RNF213: variants seen among roughly 807,000 people sequenced by gnomAD.
The protein encoded by RNF213 is E3 ubiquitin-protein ligase RNF213.
A neutral mutation model predicts 514.4 loss-of-function variants in RNF213; 341 were observed. That is an observed-to-expected ratio of 0.66 (90% confidence interval 0.61 to 0.73). RNF213 has a LOEUF of 0.73. RNF213 is among the 30% of genes least tolerant of loss of function. The pLI is 0.00. For synonymous variants in RNF213, 2,655 were observed against 2,658.2 expected, an observed-to-expected ratio of 1.00 and a Z score of 0.04; for missense variants, 5,767 against 6,615.6, an observed-to-expected ratio of 0.87 and a Z score of 4.45.
At chr17:80,313,640 GAT>G (rs2045661963) in intron 15 of RNF213, among the ~76,000 whole-genome samples, 1 of 148,008 alleles carries the variant, frequency 6.8e-6, no homozygotes, top group African/African-American at 2.6e-5. Flanking sequence ...TGATGGTGGT[GAT>G]GGTGATGGTT....
At position 80,345,143 on chromosome 17, in the gene RNF213, T is replaced by A. The variant is rs768083947; in HGVS notation, c.6808T>A (p.Ser2270Thr). The A allele has an allele frequency of 5.9e-5, 95 of 1,613,940 alleles. No individual in the cohort carries two copies. The highest frequency in any genetic ancestry group is 7.6e-5 in the Non-Finnish European group (90 of 1,180,028). ...RDFATPSLHTSDQSPGKHMVT... is the reference protein window; with the variant it reads ...RDFATPSLHTTDQSPGKHMVT... ...TTTTGCCACACCATCACTCCACACCTCTGACCAAAGCCCGGGGAAGCACAT... is the reference window on the plus strand; with the variant it reads ...TTTTGCCACACCATCACTCCACACCACTGACCAAAGCCCGGGGAAGCACAT... Residue 2270 changes from serine (S) to threonine (T), a missense_variant, in exon 29 of 68, where the codon TCT becomes ACT. Coordinates refer to ENST00000582970, the MANE Select transcript of RNF213 (RefSeq NM_001256071.3). This position sits in a 1 kb window ranked among gnomAD's most constrained non-coding sequence, Gnocchi z 6.0.
Position 80,327,921 on chromosome 17 carries a change from C to A in RNF213, c.3299C>A (p.Thr1100Lys). The A allele has an allele frequency of 6.5e-7, 1 of 1,537,226 alleles. No homozygotes were observed. ...GTTGTTGGTGACCTCCTAAGTGGCACGATTTTAGTTGGACAACTGGAGCTG... is the reference window on the plus strand; with the variant it reads ...GTTGTTGGTGACCTCCTAAGTGGCAAGATTTTAGTTGGACAACTGGAGCTG... ...TKVVGDLLSG[T>K]ILVGQLELII... Residue 1100 changes from threonine to lysine, a missense_variant, in exon 19 of 68, where the codon ACG becomes AAG. Physicochemically the swap from Thr to Lys is moderately conservative, Grantham distance 78 (BLOSUM62 -1). Transcript: ENST00000582970.
rs1260548587 is a variant in RNF213 at position 80,347,516 on chromosome 17, G to A, written c.9181G>A (p.Glu3061Lys). 3.1e-6 allele frequency: 5 copies of A among 1,613,970 alleles called. No individual in the cohort carries two copies. In the East Asian group the frequency reaches 8.9e-5, roughly 29 times the overall value. Residue 3061 changes from glutamate (E) to lysine (K), a missense_variant, in exon 29 of 68, where the codon GAG (glutamate) becomes AAG (lysine). By Grantham distance (56) the Glu-to-Lys change is moderately conservative (BLOSUM62 1). Transcript: ENST00000582970. The surrounding 1 kb of genome is among the most constrained non-coding windows in gnomAD (Gnocchi z 7.2). ...ALQILQQTFF[E>K]GDQQPEIIFG... ...GCAGATCCTGCAGCAGACATTCTTC[G>A]AGGGGGACCAGCAGCCGGAGATTAT...
At chr17:80,342,392 G>A (rs1191051138) in intron 26 of RNF213, among the ~76,000 whole-genome samples, 3 of 152,078 alleles carry the variant, frequency 2.0e-5, no homozygotes, top group African/African-American at 7.2e-5. Flanking sequence ...AGTAGGTAAC[G>A]GCTGGGAAAT....
Position 80,348,175 on chromosome 17 carries a change from G to A in RNF213, c.9840G>A (p.Ala3280=), listed in dbSNP as rs144070062. 112 of 1,613,950 alleles carry A rather than the reference G, an allele frequency of 6.9e-5. No homozygotes were observed. Among genetic ancestry groups the A allele is most frequent in the Admixed American group, 2.3e-4 (14 of 60,036 alleles). Residue 3280 remains alanine, a synonymous_variant, in exon 29 of 68, where the codon GCG becomes GCA. Coordinates refer to ENST00000582970, the MANE Select transcript of RNF213 (RefSeq NM_001256071.3). ...CCTACTCGCTGGGCGGGTTCGCAGC[G>A]GAGTGGCTGTCGCAGGAGTACTTTC... is the stretch of plus-strand genomic sequence containing the variant. ...LSAYSLGGFA[A]EWLSQEYFHR...
Position 80,347,647 on chromosome 17 carries a change from C to G in RNF213, c.9312C>G (p.Asn3104Lys), listed in dbSNP as rs756579755. The change falls in exon 29 of 68, where the codon AAC becomes AAG. Residue 3104 changes from asparagine to lysine, a missense_variant. Physicochemically the swap from Asn to Lys is moderately conservative, Grantham distance 94. Around this residue, in one of 13 missense-constraint regions of RNF213, gnomAD observed 919 missense variants for 1,121.0 expected, o/e 0.82. Coordinates refer to ENST00000582970, the MANE Select transcript of RNF213 (RefSeq NM_001256071.3). The surrounding 1 kb of genome is among the most constrained non-coding windows in gnomAD (Gnocchi z 7.2). ...METGKMVLLL[N>K]LQNLYESLYD... is the part of the protein sequence containing the mutation. Reference sequence around the variant, plus strand: ...CAGGCAAGATGGTGTTGCTTCTCAACCTGCAGAACCTCTACGAGAGCCTCT... The same window carrying G: ...CAGGCAAGATGGTGTTGCTTCTCAAGCTGCAGAACCTCTACGAGAGCCTCT... 2 of 1,614,052 alleles carry G rather than the reference C, an allele frequency of 1.2e-6. No individual in the cohort carries two copies. Among genetic ancestry groups the G allele is most frequent in the African/African-American group, 2.7e-5 (2 of 74,936 alleles).
At chr17:80,274,859 TGGG>T (rs1248881222) in intron 3 of RNF213, among the ~76,000 whole-genome samples, 6 of 24,470 alleles carry the variant, frequency 2.5e-4, no homozygotes, top group South Asian at 3.3e-3. Flanking sequence ...GGGTGTGTGT[TGGG>T]GGGTGTGTGA....
chr17:80,348,241 A>T lies in RNF213; in HGVS notation c.9906A>T (p.Ala3302=). ...RHNSFADFLQ[A]HLHTADLERH... is the part of the protein sequence containing the mutation. ...ACTCCTTTGCAGATTTCCTTCAGGC[A>T]CACCTGCACACGGCAGACCTGGAGC... The change falls in exon 29 of 68, where the codon GCA becomes GCT. Residue 3302 remains alanine, a synonymous_variant. Transcript: ENST00000582970. 6.2e-7 allele frequency: 1 copy of T among 1,614,020 alleles called. No homozygotes were observed. Among genetic ancestry groups the T allele is most frequent in the African/African-American group, 1.3e-5 (1 of 75,066 alleles).
intron 64 of RNF213, 79 bp from the exon 65 acceptor site, chr17:80,389,094 G>T (rs112950687): frequency 1.2e-5 from 16 of 1,391,046 alleles, no homozygotes; most frequent in African/African-American, 9.9e-5. Flanking sequence ...GGCAGTGAAG[G>T]GGCTCGGCTC....
In RNF213 at chr17:80,290,610, G is replaced by T. The variant is rs750565435; in HGVS notation, c.1153G>T (p.Ala385Ser). 1.2e-6 allele frequency: 2 copies of T among 1,614,098 alleles called. No individual in the cohort carries two copies. The highest frequency in any genetic ancestry group is 8.5e-7 in the Non-Finnish European group (1 of 1,180,022). Residue 385 changes from alanine to serine, a missense_variant, in exon 7 of 68, where the codon GCC becomes TCC. Around this residue, in one of 13 missense-constraint regions of RNF213, gnomAD observed 509 missense variants for 496.7 expected, o/e 1.02. Coordinates refer to ENST00000582970, the MANE Select transcript of RNF213 (RefSeq NM_001256071.3). ...TGGAGGAGTCACCGTGTTCTTCCAC[G>T]CCATCATCTCTCTTCATTTCCCATT... is the stretch of plus-strand genomic sequence containing the variant. Reference protein sequence around the residue: ...PGGGVTVFFHAIISLHFPFNP... With the variant: ...PGGGVTVFFHSIISLHFPFNP...
chr17:80,326,275 C>T (rs1264392882), intron 18 of RNF213, among the ~76,000 whole-genome samples: 1 of 152,188 alleles, frequency 6.6e-6, no homozygotes, highest in Non-Finnish European at 1.5e-5. Context: ...CAGGCGTGCA[C>T]CACCATACCC....
intron 2 of RNF213, among the ~76,000 whole-genome samples, chr17:80,267,046 G>A (rs1453352142): frequency 2.0e-5 from 3 of 151,820 alleles, no homozygotes; most frequent in African/African-American, 7.2e-5. Context: ...GTGAAACCCC[G>A]TCTCTACTAA....
At chr17:80,310,716 C>G (rs1259084545) in intron 14 of RNF213, among the ~76,000 whole-genome samples, 1 of 152,146 alleles carries the variant, frequency 6.6e-6, no homozygotes, top group Non-Finnish European at 1.5e-5. Context: ...CTAAACCCAG[C>G]TAATTCTGTA....
At chr17:80,303,486 G>A (rs2045249271) in intron 11 of RNF213, among the ~76,000 whole-genome samples, 1 of 152,186 alleles carries the variant, frequency 6.6e-6, no homozygotes, top group South Asian at 2.1e-4. Context: ...TTCTGCTAAA[G>A]GCAGTGTTAC....
In RNF213 at chr17:80,288,375, G is replaced by C. The variant is rs1330685048; in HGVS notation, c.810+12G>C. 1 of 1,611,280 alleles carries C rather than the reference G, an allele frequency of 6.2e-7. No individual in the cohort carries two copies. Among genetic ancestry groups the C allele is most frequent in the Non-Finnish European group, 8.5e-7 (1 of 1,179,902 alleles). On this transcript the variant is annotated intron_variant, in intron 4 of 67. Transcript: ENST00000582970. The surrounding 1 kb of genome is among the most constrained non-coding windows in gnomAD (Gnocchi z 4.9). Reference sequence around the variant, plus strand: ...CCTCAGCCTCTATGGTGAGTCATCCGGGAGAGATGGCCTGGGAGTGGCACT... The same window carrying C: ...CCTCAGCCTCTATGGTGAGTCATCCCGGAGAGATGGCCTGGGAGTGGCACT...
chr17:80,368,565 T>C (rs963942309), intron 44 of RNF213, among the ~76,000 whole-genome samples: 31 of 151,924 alleles, frequency 2.0e-4, no homozygotes, highest in African/African-American at 7.5e-4. Flanking sequence ...CCCAAGTAGC[T>C]GGGATTACAG....
chr17:80,333,506 C>T (rs370004365), intron 21 of RNF213, among the ~76,000 whole-genome samples: 122 of 151,516 alleles, frequency 8.1e-4, no homozygotes, highest in African/African-American at 2.8e-3. Flanking sequence ...CCAGCCTGAC[C>T]AACATGGAGA....
In RNF213 at chr17:80,348,020, G is replaced by C. The variant is rs774529826; in HGVS notation, c.9685G>C (p.Val3229Leu). 5.0e-6 allele frequency: 8 copies of C among 1,614,124 alleles called. No homozygotes were observed. In the Admixed American group the frequency reaches 8.3e-5, roughly 17 times the overall value. ...IGYHSDACAS[V>L]VLQVIERQGP... Reference sequence around the variant, plus strand: ...CTACCACTCGGACGCCTGCGCGTCTGTGGTGCTGCAGGTCATAGAGAGGCA... The same window carrying C: ...CTACCACTCGGACGCCTGCGCGTCTCTGGTGCTGCAGGTCATAGAGAGGCA... Residue 3229 changes from valine to leucine, a missense_variant, in exon 29 of 68, where the codon GTG (valine) becomes CTG (leucine). By Grantham distance (32) the Val-to-Leu change is conservative (BLOSUM62 1). Coordinates refer to ENST00000582970, the MANE Select transcript of RNF213 (RefSeq NM_001256071.3).
intron 50 of RNF213, 48 bp downstream of exon 50, chr17:80,374,637 G>A: frequency 1.2e-6 from 2 of 1,606,484 alleles, no homozygotes; most frequent in African/African-American, 2.7e-5. Flanking sequence ...GCATCCCTTG[G>A]AGCCTGCATG....
Sources: gnomAD v4.1 joint callset for allele counts (sites outside exome capture counted in the v4.1 genomes callset) on GRCh38, gnomAD v4.1.1 for gene constraint, gnomAD v4.1.1 regional missense constraint, Gnocchi (gnomAD v3.1) non-coding constraint, MANE v1.5 for transcripts, NCBI Gene and HGNC (gene_info 2026-07-23, HGNC 2026-07-21) for gene names.